Variants in RASAL2 observed in about 807,000 individuals in gnomAD.
RASAL2 encodes ras GTPase-activating protein nGAP.
A neutral mutation model predicts 128.9 loss-of-function variants in RASAL2; 58 were observed. The ratio of observed to expected loss-of-function variants is 0.45; its 90% CI spans 0.36 to 0.56. RASAL2 has a LOEUF of 0.56. RASAL2 is among the 20% of genes least tolerant of loss of function. The probability of loss-of-function intolerance (pLI) is 0.00; values close to 1 mark genes in which losing one functional copy is unlikely to be tolerated. For synonymous variants in RASAL2, 561 were observed against 580.8 expected (o/e 0.97, Z 0.49); for missense variants, 1,360 against 1,601.6 (o/e 0.85, Z 2.57).
chr1:178,201,495 C>T (rs1184702261), intron 1 of RASAL2, among the ~76,000 whole-genome samples: 2 of 152,194 alleles, frequency 1.3e-5, no homozygotes, highest in Non-Finnish European at 2.9e-5. Flanking sequence ...GCATCTGCAT[C>T]TTGGAAGAGC....
At chr1:178,095,146 G>T (rs901033878) in intron 1 of RASAL2, among the ~76,000 whole-genome samples, 1 of 152,194 alleles carries the variant, frequency 6.6e-6, no homozygotes, top group African/African-American at 2.4e-5. Flanking sequence ...CTATGTATTT[G>T]GTGGGAGCAA....
At chr1:178,300,640 T>G (rs541884645) in intron 3 of RASAL2, among the ~76,000 whole-genome samples, 2 of 152,312 alleles carry the variant, frequency 1.3e-5, no homozygotes, top group South Asian at 2.1e-4. Flanking sequence ...AAATCCTACT[T>G]CCATTTTTCC....
intron 1 of RASAL2, among the ~76,000 whole-genome samples, chr1:178,112,333 C>T (rs1343487857): frequency 6.6e-6 from 1 of 151,904 alleles, no homozygotes; most frequent in Non-Finnish European, 1.5e-5. Flanking sequence ...GGGTGGATCA[C>T]GAGGTCAGGA....
chr1:178,097,047 A>C (rs1658716687), intron 1 of RASAL2, among the ~76,000 whole-genome samples: 1 of 152,216 alleles, frequency 6.6e-6, no homozygotes, highest in African/African-American at 2.4e-5. Flanking sequence ...GTGTGTTCAA[A>C]ACCTTCGTTG....
intron 5 of RASAL2, among the ~76,000 whole-genome samples, chr1:178,431,769 A>G (rs1675921109): frequency 6.6e-6 from 1 of 151,850 alleles, no homozygotes; most frequent in African/African-American, 2.4e-5. Flanking sequence ...TCCAATATGG[A>G]TAGAAGTCCA....
At chr1:178,226,926 T>A (rs1447569125) in intron 1 of RASAL2, among the ~76,000 whole-genome samples, 1 of 152,006 alleles carries the variant, frequency 6.6e-6, no homozygotes, top group African/African-American at 2.4e-5. Context: ...GGTGACAGAA[T>A]GAGACTGTCT....
At chr1:178,189,873 G>T (rs976200969) in intron 1 of RASAL2, among the ~76,000 whole-genome samples, 3 of 152,168 alleles carry the variant, frequency 2.0e-5, no homozygotes, top group Non-Finnish European at 4.4e-5. Flanking sequence ...GGATAGAGAT[G>T]CATGTCCAAT....
intron 8 of RASAL2, among the ~76,000 whole-genome samples, chr1:178,443,651 G>A (rs1200112681): frequency 6.6e-6 from 1 of 152,118 alleles, no homozygotes; most frequent in Non-Finnish European, 1.5e-5. Flanking sequence ...TATTCCAGAA[G>A]CATATTGAGT....
intron 1 of RASAL2, among the ~76,000 whole-genome samples, chr1:178,124,595 G>A (rs985390789): frequency 2.0e-5 from 3 of 152,100 alleles, no homozygotes; most frequent in Non-Finnish European, 2.9e-5. Context: ...TTATTTTACC[G>A]TTAGTTTACT....
At chr1:178,426,292 C>T (rs1281805583) in intron 5 of RASAL2, among the ~76,000 whole-genome samples, 3 of 151,942 alleles carry the variant, frequency 2.0e-5, no homozygotes, top group African/African-American at 7.3e-5. Flanking sequence ...CATGATATAC[C>T]CGTACAATAG....
At chr1:178,280,769 T>C (rs1481407659) in intron 1 of RASAL2, among the ~76,000 whole-genome samples, 1 of 152,150 alleles carries the variant, frequency 6.6e-6, no homozygotes, top group African/African-American at 2.4e-5. Context: ...GCTATTAAGA[T>C]TCTTCTGTGT....
chr1:178,175,159 C>G (rs7529433), intron 1 of RASAL2, among the ~76,000 whole-genome samples: 16,599 of 152,144 alleles, frequency 0.11, 1,155 homozygotes, highest in African/African-American at 0.19. Context: ...TCTTAGGTCC[C>G]TTTCATTGCC....
At chr1:178,436,779 T>C (rs1376852487) in intron 5 of RASAL2, among the ~76,000 whole-genome samples, 1 of 152,114 alleles carries the variant, frequency 6.6e-6, no homozygotes, top group Admixed American at 6.6e-5. Context: ...AGTTTTACCA[T>C]GTTGCCCAGA....
intron 5 of RASAL2, among the ~76,000 whole-genome samples, chr1:178,422,099 A>G (rs533894161): frequency 9.2e-5 from 14 of 152,154 alleles, no homozygotes; most frequent in African/African-American, 3.4e-4. Context: ...ACTCTGCAGC[A>G]TCATATAGAA....
chr1:178,275,499 C>T (rs944805009), intron 1 of RASAL2, among the ~76,000 whole-genome samples: 8 of 152,156 alleles, frequency 5.3e-5, no homozygotes, highest in Non-Finnish European at 1.2e-4. Flanking sequence ...GGAATTGTTC[C>T]CCATCCTTAC....
At chr1:178,157,157 A>G (rs1327523023) in intron 1 of RASAL2, among the ~76,000 whole-genome samples, 1 of 152,118 alleles carries the variant, frequency 6.6e-6, no homozygotes, top group Non-Finnish European at 1.5e-5. Flanking sequence ...TGAATTTTCC[A>G]TGTTCTGTTT....
intron 5 of RASAL2, among the ~76,000 whole-genome samples, chr1:178,428,921 C>G (rs1675704644): frequency 6.6e-6 from 1 of 152,090 alleles, no homozygotes; most frequent in African/African-American, 2.4e-5. Flanking sequence ...AGGCACCCTC[C>G]AGGTTTTGGG....
chr1:178,178,959 C>T (rs1293951868), intron 1 of RASAL2, among the ~76,000 whole-genome samples: 1 of 152,102 alleles, frequency 6.6e-6, no homozygotes, highest in African/African-American at 2.4e-5. Context: ...ATTTATAGTA[C>T]CATAACTTTT....
intron 2 of RASAL2, among the ~76,000 whole-genome samples, chr1:178,284,070 A>G (rs909394352): frequency 6.6e-6 from 1 of 152,188 alleles, no homozygotes; most frequent in Non-Finnish European, 1.5e-5. Context: ...GGTTTATTGG[A>G]GGGACTATTT....
Sources: allele counts gnomAD v4.1 joint callset (sites outside exome capture counted in the v4.1 genomes callset), GRCh38; gene constraint gnomAD v4.1.1; transcripts MANE v1.5; gene names NCBI Gene and HGNC (gene_info 2026-07-23, HGNC 2026-07-21).